C22orf31: variants seen among roughly 807,000 people sequenced by gnomAD.
C22orf31 encodes chromosome 22 open reading frame 31, also known as uncharacterized protein C22orf31.
Under a neutral mutation model 15.0 loss-of-function variants are expected in C22orf31, and 11 were observed. That is an observed-to-expected ratio of 0.73 (90% CI 0.46 to 1.21). C22orf31 has a LOEUF of 1.21. Among genes scored for constraint, C22orf31 ranks in the 50% most tolerant of loss-of-function variants. The probability of loss-of-function intolerance (pLI) is 0.00; values close to 1 mark genes in which losing one functional copy is unlikely to be tolerated. For missense variants in C22orf31, 340 were observed against 347.2 expected (o/e 0.98, Z 0.17); for synonymous variants, 132 against 133.3 (o/e 0.99, Z 0.07).
chr22:29,062,946 G>A (rs2123902368), upstream of C22orf31, among the ~76,000 whole-genome samples: 1 of 152,112 alleles, frequency 6.6e-6, no homozygotes, highest in South Asian at 2.1e-4. Flanking sequence ...TTTCAAAGCT[G>A]GTCAGTCTTG....
chr22:29,065,811 C>T (rs34188842), upstream of C22orf31, among the ~76,000 whole-genome samples: 230 of 152,284 alleles, frequency 1.5e-3, no homozygotes, highest in African/African-American at 5.3e-3. Flanking sequence ...CTGGGGAACT[C>T]GGGGTTGAAG....
At chr22:29,059,671 G>A (rs185323898) in intron 2 of C22orf31, 42 of 984,038 alleles carry the variant, frequency 4.3e-5, no homozygotes, top group African/African-American at 1.4e-4. Flanking sequence ...TGGCCACCAC[G>A]GGGTAACATA....
At chr22:29,060,043 T>TA in intron 2 of C22orf31, 2 of 730,526 alleles carry the variant, frequency 2.7e-6, no homozygotes, top group African/African-American at 5.6e-5. Context: ...TTTTTTTTTT[T>TA]ATTTTTTAGA....
chr22:29,070,781 A>G, the C22orf31 span, among the ~76,000 whole-genome samples: 1 of 152,198 alleles, frequency 6.6e-6, no homozygotes, highest in Non-Finnish European at 1.5e-5. Flanking sequence ...AAGAAAAAAA[A>G]TCCACAGAAC....
rs768781490 is a variant in C22orf31 at position 29,060,592 on chromosome 22, C to T, written c.255G>A (p.Leu85=). The T allele has an allele frequency of 4.3e-6, 7 of 1,614,174 alleles. No homozygotes were observed. The highest frequency in any genetic ancestry group is 3.3e-5 in the Admixed American group (2 of 60,022). The change falls in exon 2 of 3, where the codon CTG becomes CTA. Residue 85 remains leucine, a synonymous_variant. Transcript: ENST00000216071. ...SLVKLVLRRQ[L]KNKCCPPPCK... ...ATGGTGGTGGGCAGCACTTATTCTTCAGTTGCCGCCTGAGTACAAGCTTAA... is the reference window on the plus strand; with the variant it reads ...ATGGTGGTGGGCAGCACTTATTCTTTAGTTGCCGCCTGAGTACAAGCTTAA...
chr22:29,058,923 GT>G lies in C22orf31; in HGVS notation c.691del (p.Thr231ProfsTer56). 1 of 1,614,144 alleles carries G rather than the reference GT, an allele frequency of 6.2e-7. No individual in the cohort carries two copies. On this transcript the variant is annotated frameshift_variant, in exon 3 of 3. Transcript: ENST00000216071. LOFTEE classifies it low-confidence loss of function (END_TRUNC). ...CAGCTCCAGGCTGTACCTCTTGGGG[GT>G]CCCTGAAGGATTCCACAGCATTGGC... ...VEPMLWNPSG[T>X]PKRYSLELGK...
chr22:29,060,917 A>G (rs2037384719), intron 1 of C22orf31, 74 bp from the exon 2 acceptor site: 2 of 1,247,978 alleles, frequency 1.6e-6, no homozygotes, highest in Admixed American at 4.3e-5. Flanking sequence ...TCTACTTTGA[A>G]GGCAAAATAT....
chr22:29,061,928 T>C (rs1367009754), upstream of C22orf31: 1 of 696,702 alleles, frequency 1.4e-6, no homozygotes, highest in Non-Finnish European at 2.4e-6. Flanking sequence ...TTCTCTGCCT[T>C]AGTCACATAT....
chr22:29,060,027 T>C (rs931169065), intron 2 of C22orf31: 209 of 902,336 alleles, frequency 2.3e-4, no homozygotes, highest in East Asian at 4.8e-4. Flanking sequence ...TTTTCTTTTT[T>C]TTTTTTTTTT....
chr22:29,061,555 C>G (rs990234759), intron 1 of C22orf31, among the ~76,000 whole-genome samples: 1 of 152,138 alleles, frequency 6.6e-6, no homozygotes, highest in Non-Finnish European at 1.5e-5. Flanking sequence ...CATGAGCCAC[C>G]ATGTTCGGCT....
At position 29,060,399 on chromosome 22, in the gene C22orf31, A is replaced by ACTG. The variant is rs2037377457; in HGVS notation, c.432+13_432+15dup. 4 of 1,600,230 alleles carry ACTG rather than the reference A, an allele frequency of 2.5e-6. No homozygotes were observed. In the South Asian group the frequency reaches 4.5e-5, roughly 18 times the overall value. On this transcript the variant is annotated intron_variant, in intron 2 of 2. Transcript: ENST00000216071. ...CCTCGCCAGTCACATTTTCCCCACC[A>ACTG]CTGGTCCTCGTCTACCTCTCTGATG...
upstream of C22orf31, chr22:29,061,892 G>C: frequency 1.0e-6 from 1 of 1,001,840 alleles, no homozygotes; most frequent in Non-Finnish European, 1.5e-6. Context: ...TTTTGTTTTT[G>C]TTTTAATATT....
chr22:29,068,571 C>T, the C22orf31 span, among the ~76,000 whole-genome samples: 75,340 of 150,614 alleles, frequency 0.5, 19,661 homozygotes, highest in Middle Eastern at 0.61. Context: ...CCACCATGCC[C>T]GGCTAATTTT....
upstream of C22orf31, among the ~76,000 whole-genome samples, chr22:29,064,157 C>CGTG (rs2037413824): frequency 6.6e-6 from 1 of 152,150 alleles, no homozygotes; most frequent in Non-Finnish European, 1.5e-5. Context: ...TGTGAATCAC[C>CGTG]ACACCCAGCC....
At chr22:29,070,601 G>T in the C22orf31 span, among the ~76,000 whole-genome samples, 2 of 152,126 alleles carry the variant, frequency 1.3e-5, no homozygotes, top group Non-Finnish European at 2.9e-5. Context: ...GCTTAAAGTA[G>T]TCCAAAGGTT....
At chr22:29,064,171 C>T (rs994435194), upstream of C22orf31, among the ~76,000 whole-genome samples, 1 of 152,190 alleles carries the variant, frequency 6.6e-6, no homozygotes, top group Non-Finnish European at 1.5e-5. Flanking sequence ...CCCAGCCCTA[C>T]TGCCCCTGTT....
intron 1 of C22orf31, 68 bp downstream of exon 1, chr22:29,061,722 T>G (rs2123901226): frequency 1.7e-6 from 2 of 1,200,568 alleles, no homozygotes; most frequent in South Asian, 1.4e-5. Context: ...TTGGATAGAT[T>G]AGAATCACAT....
chr22:29,063,930 C>A (rs1007228362), upstream of C22orf31, among the ~76,000 whole-genome samples: 1 of 151,926 alleles, frequency 6.6e-6, no homozygotes, highest in African/African-American at 2.4e-5. Flanking sequence ...TGCAGTGGCA[C>A]GATCTTGGCT....
At chr22:29,070,576 T>C in the C22orf31 span, among the ~76,000 whole-genome samples, 2 of 152,180 alleles carry the variant, frequency 1.3e-5, no homozygotes, top group African/African-American at 4.8e-5. Flanking sequence ...TGCTGAAGTC[T>C]TTCTCTGGCA....
Sources: allele counts gnomAD v4.1 joint callset (sites outside exome capture counted in the v4.1 genomes callset), GRCh38; gene constraint gnomAD v4.1.1; transcripts MANE v1.5; gene names NCBI Gene and HGNC (gene_info 2026-07-23, HGNC 2026-07-21).